CNTNAP2: variants seen among roughly 807,000 people sequenced by gnomAD.
The protein encoded by CNTNAP2 is contactin associated protein 2, also known as contactin-associated protein-like 2.
A neutral mutation model predicts 155.2 loss-of-function variants in CNTNAP2; 98 were observed. The observed-to-expected ratio is 0.63, with a 90% CI of 0.54 to 0.75. The LOEUF is 0.75. CNTNAP2 is among the 30% of genes least tolerant of loss of function. The pLI is 0.00. For missense variants in CNTNAP2, 1,727 were observed against 1,688.1 expected, an observed-to-expected ratio of 1.02 and a Z score of -0.40; for synonymous variants, 651 against 631.2, an observed-to-expected ratio of 1.03 and a Z score of -0.47.
chr7:147,967,427 T>C (rs1801235947), intron 14 of CNTNAP2, among the ~76,000 whole-genome samples: 1 of 152,222 alleles, frequency 6.6e-6, no homozygotes, highest in South Asian at 2.1e-4. Flanking sequence ...AGTCTAGGCA[T>C]TGTTTTATTC....
At chr7:147,955,686 A>C (rs1801007537) in intron 14 of CNTNAP2, among the ~76,000 whole-genome samples, 1 of 152,146 alleles carries the variant, frequency 6.6e-6, no homozygotes, top group South Asian at 2.1e-4. Flanking sequence ...CTCAGCTATC[A>C]TATGATGCAC....
intron 1 of CNTNAP2, among the ~76,000 whole-genome samples, chr7:146,573,368 C>G (rs1481414385): frequency 6.6e-6 from 1 of 152,114 alleles, no homozygotes; most frequent in African/African-American, 2.4e-5. Flanking sequence ...GTCTTGATCT[C>G]CTGACCTCGT....
chr7:146,817,838 G>A (rs891813567), intron 2 of CNTNAP2, among the ~76,000 whole-genome samples: 13 of 151,990 alleles, frequency 8.6e-5, no homozygotes, highest in African/African-American at 2.7e-4. Flanking sequence ...ATTACAAGTC[G>A]ACATGAGATT....
intron 13 of CNTNAP2, among the ~76,000 whole-genome samples, chr7:147,761,947 T>C (rs1409560693): frequency 6.6e-6 from 1 of 152,144 alleles, no homozygotes; most frequent in East Asian, 1.9e-4. Flanking sequence ...TGCATGTTAA[T>C]GCAAAAGTCA....
rs889614403 is a variant in CNTNAP2, at chr7:147,711,682, G to A, written c.2098+72376G>A. Among the ~76,000 whole-genome samples the A allele has an allele frequency of 2.6e-5, 4 of 152,268 alleles. No individual in the cohort carries two copies. In the East Asian group the frequency reaches 7.7e-4, roughly 29 times the overall value. ...GAAGCTATGGAAATAAACGGCTAGA[G>A]GCAGCTGTGCTTCCCTCTTGCTAAA... On this transcript the variant is annotated intron_variant, in intron 13 of 23. Coordinates refer to ENST00000361727, the MANE Select transcript of CNTNAP2 (RefSeq NM_014141.6).
chr7:146,117,022 T>C (rs139443887), intron 1 of CNTNAP2, 49 bp downstream of exon 1: 3 of 1,482,624 alleles, frequency 2.0e-6, no homozygotes, highest in African/African-American at 2.8e-5. Context: ...CAGTGCGGCA[T>C]TGATGTTTGG....
intron 1 of CNTNAP2, among the ~76,000 whole-genome samples, chr7:146,127,459 A>G (rs2116729688): frequency 6.6e-6 from 1 of 152,356 alleles, no homozygotes; most frequent in East Asian, 1.9e-4. Flanking sequence ...AACAGAAGGA[A>G]GGCGAGAAAT....
intron 1 of CNTNAP2, among the ~76,000 whole-genome samples, chr7:146,368,093 C>T (rs534902447): frequency 2.0e-4 from 31 of 152,202 alleles, no homozygotes; most frequent in African/African-American, 7.5e-4. Flanking sequence ...TCCTCTGCAT[C>T]CCCAATGCCC....
At chr7:148,388,373 C>T (rs1258242068) in intron 22 of CNTNAP2, among the ~76,000 whole-genome samples, 1 of 148,966 alleles carries the variant, frequency 6.7e-6, no homozygotes, top group Non-Finnish European at 1.5e-5. Flanking sequence ...CAATTCCCAC[C>T]TATGAGTGAG....
intron 9 of CNTNAP2, among the ~76,000 whole-genome samples, chr7:147,330,284 A>G (rs1795534651): frequency 6.6e-6 from 1 of 152,120 alleles, no homozygotes. Flanking sequence ...GAAGGTATAG[A>G]AACTGTGTGC....
intron 9 of CNTNAP2, among the ~76,000 whole-genome samples, chr7:147,325,879 C>G (rs1020465601): frequency 2.0e-5 from 3 of 152,104 alleles, no homozygotes; most frequent in African/African-American, 7.2e-5. Context: ...AACTAACTCC[C>G]TATTTCTTCC....
At chr7:146,700,412 AAGTC>A (rs1472086564) in intron 1 of CNTNAP2, among the ~76,000 whole-genome samples, 17 of 152,118 alleles carry the variant, frequency 1.1e-4, no homozygotes. Context: ...AACTCTTTAA[AAGTC>A]AGATAAGACT....
At chr7:147,979,559 A>C (rs959518920) in intron 15 of CNTNAP2, among the ~76,000 whole-genome samples, 1 of 152,192 alleles carries the variant, frequency 6.6e-6, no homozygotes, top group Non-Finnish European at 1.5e-5. Flanking sequence ...TAAATAATTG[A>C]TTAACTTAAT....
intron 1 of CNTNAP2, among the ~76,000 whole-genome samples, chr7:146,729,582 T>G (rs929740686): frequency 1.3e-5 from 2 of 149,438 alleles, no homozygotes; most frequent in African/African-American, 5.1e-5. Flanking sequence ...TATATATATA[T>G]TTATTTGTAT....
At chr7:147,093,958 A>T (rs1425239609) in intron 4 of CNTNAP2, among the ~76,000 whole-genome samples, 1 of 152,180 alleles carries the variant, frequency 6.6e-6, no homozygotes, top group Non-Finnish European at 1.5e-5. Context: ...AGCCCCGAAT[A>T]TCCTGCCACC....
chr7:147,588,577 G>A (rs781522307), intron 12 of CNTNAP2, among the ~76,000 whole-genome samples: 1 of 152,078 alleles, frequency 6.6e-6, no homozygotes, highest in Non-Finnish European at 1.5e-5. Flanking sequence ...TTATCAACCT[G>A]TAAATTGCTT....
chr7:146,975,379 C>T (rs759222561), intron 3 of CNTNAP2, among the ~76,000 whole-genome samples: 1 of 152,062 alleles, frequency 6.6e-6, no homozygotes, highest in African/African-American at 2.4e-5. Flanking sequence ...GCAGGAGAAT[C>T]GCTTGAACCT....
chr7:147,115,040 A>G (rs1228948684), intron 5 of CNTNAP2, among the ~76,000 whole-genome samples: 1 of 152,172 alleles, frequency 6.6e-6, no homozygotes, highest in Non-Finnish European at 1.5e-5. Flanking sequence ...GCTTGTCTGA[A>G]AAGGATCTTA....
intron 1 of CNTNAP2, among the ~76,000 whole-genome samples, chr7:146,126,002 C>G (rs542839787): frequency 6.6e-6 from 1 of 152,172 alleles, no homozygotes; most frequent in African/African-American, 2.4e-5. Flanking sequence ...TTCTTCCCAG[C>G]CTTTCAAATC....
Sources: gnomAD v4.1 joint callset for allele counts (sites outside exome capture counted in the v4.1 genomes callset) on GRCh38, gnomAD v4.1.1 for gene constraint, MANE v1.5 for transcripts, NCBI Gene and HGNC (gene_info 2026-07-23, HGNC 2026-07-21) for gene names.